Variants in SLC1A4 observed in about 807,000 individuals in gnomAD.
The protein encoded by SLC1A4 is neutral amino acid transporter A.
A neutral mutation model predicts 37.7 loss-of-function variants in SLC1A4; 19 were observed. That is an observed-to-expected ratio of 0.50 (90% CI 0.35 to 0.74). The LOEUF (loss-of-function observed/expected upper bound fraction) is 0.74, where lower values mean the gene tolerates loss of function less well. Among genes scored for constraint, SLC1A4 ranks in the 30% least tolerant of loss-of-function variants. SLC1A4 has a pLI of 0.01. For missense variants in SLC1A4, 570 were observed against 712.9 expected, an observed-to-expected ratio of 0.80 and a Z score of 2.28; for synonymous variants, 299 against 309.8, an observed-to-expected ratio of 0.97 and a Z score of 0.37.
chr2:65,004,097 G>C (rs1427347627), intron 3 of SLC1A4, 82 bp downstream of exon 3: 1 of 1,246,152 alleles, frequency 8.0e-7, no homozygotes, highest in Admixed American at 1.9e-5. Context: ...ACAGGACGTG[G>C]GCTGAAAACT....
intron 1 of SLC1A4, among the ~76,000 whole-genome samples, chr2:64,993,495 A>T (rs1031359415): frequency 3.3e-5 from 5 of 152,184 alleles, no homozygotes; most frequent in African/African-American, 4.8e-5. Context: ...ATGAGAAGGG[A>T]TGGCCAATAG....
intron 2 of SLC1A4, among the ~76,000 whole-genome samples, chr2:65,003,508 A>C (rs891207868): frequency 5.3e-5 from 8 of 152,250 alleles, no homozygotes; most frequent in African/African-American, 1.9e-4. Flanking sequence ...AGTCATGCTC[A>C]AATAAGTTCT....
At chr2:64,999,360 T>C (rs1673381261) in intron 1 of SLC1A4, 1 of 152,232 alleles carries the variant, frequency 6.6e-6, no homozygotes, top group Non-Finnish European at 1.5e-5. Context: ...AAATGCTGTG[T>C]TGCAGGCTGT....
chr2:65,019,623 G>C (rs1356988876), intron 7 of SLC1A4, among the ~76,000 whole-genome samples: 1 of 152,198 alleles, frequency 6.6e-6, no homozygotes, highest in African/African-American at 2.4e-5. Flanking sequence ...TGGGAATGGT[G>C]GTTTTTCCAA....
intron 4 of SLC1A4, among the ~76,000 whole-genome samples, chr2:65,016,016 G>A (rs1460071676): frequency 6.6e-6 from 1 of 152,212 alleles, no homozygotes; most frequent in African/African-American, 2.4e-5. Flanking sequence ...TTCTATCACA[G>A]CCACTCTGTG....
At chr2:65,005,452 A>G (rs7569409) in intron 3 of SLC1A4, among the ~76,000 whole-genome samples, 3,609 of 152,300 alleles carry the variant, frequency 0.024, 135 homozygotes, top group African/African-American at 0.081. Flanking sequence ...TGGACGTCCA[A>G]CTGGGCCCCT....
Position 65,023,531 on chromosome 2 carries a change from CTG to C in SLC1A4, c.*2389_*2390del, listed in dbSNP as rs1674513625. ...ACTTAAGACTCATTGGCCGACCATC[CTG>C]TGTCCTGGCCTGGCCCTGCAGTAAG... is the stretch of plus-strand genomic sequence containing the variant. On this transcript the variant is annotated 3_prime_UTR_variant, in exon 8 of 8. Coordinates refer to ENST00000234256, the MANE Select transcript of SLC1A4 (RefSeq NM_003038.5). 1 of 152,376 alleles carries C rather than the reference CTG, an allele frequency of 6.6e-6. No homozygotes were observed. The highest frequency in any genetic ancestry group is 2.4e-5 in the African/African-American group (1 of 41,450). 9.4% of individuals were successfully genotyped at this position (152,376 alleles called of 1,614,324 possible).
intron 4 of SLC1A4, 114 bp downstream of exon 4, chr2:65,010,877 G>A (rs1375826552): frequency 9.5e-7 from 1 of 1,055,578 alleles, no homozygotes; most frequent in Non-Finnish European, 1.4e-6. Context: ...TGCTGTGTAT[G>A]TGGTTGATGC....
intron 2 of SLC1A4, 141 bp downstream of exon 2, chr2:65,001,631 A>G (rs1288743426): frequency 1.3e-5 from 8 of 633,910 alleles, no homozygotes; most frequent in South Asian, 2.0e-5. Flanking sequence ...ACTTTTATCA[A>G]TGGGTACCTA....
chr2:65,009,241 C>T (rs532103723), intron 3 of SLC1A4, among the ~76,000 whole-genome samples: 2 of 152,128 alleles, frequency 1.3e-5, no homozygotes, highest in South Asian at 2.1e-4. Context: ...GGCATGGTGG[C>T]GCATGCCTGT....
chr2:65,010,914 A>G, intron 4 of SLC1A4, 151 bp downstream of exon 4: 2 of 760,432 alleles, frequency 2.6e-6, no homozygotes, highest in Non-Finnish European at 4.2e-6. Context: ...GGTACAGGGG[A>G]TGATGGAAGT....
chr2:64,991,051 G>A (rs1021213804), intron 1 of SLC1A4, among the ~76,000 whole-genome samples: 1 of 152,202 alleles, frequency 6.6e-6, no homozygotes, highest in African/African-American at 2.4e-5. Context: ...ACCAGGTTCA[G>A]TTGAGTGAGG....
At chr2:64,995,947 C>T (rs1013502537) in intron 1 of SLC1A4, among the ~76,000 whole-genome samples, 1 of 152,192 alleles carries the variant, frequency 6.6e-6, no homozygotes, top group Admixed American at 6.5e-5. Flanking sequence ...TGGGTCTGCA[C>T]AGCACCTCCC....
In SLC1A4 at chr2:65,022,492, C is replaced by T. The variant is rs1241699374; in HGVS notation, c.*1346C>T. ...TTTGGTGAAGCAAACTGTTAATCTTCGAAAACGACCATTTCACTTCTTGGA... is the reference window on the plus strand; with the variant it reads ...TTTGGTGAAGCAAACTGTTAATCTTTGAAAACGACCATTTCACTTCTTGGA... On this transcript the variant is annotated 3_prime_UTR_variant, in exon 8 of 8. Coordinates refer to ENST00000234256, the MANE Select transcript of SLC1A4 (RefSeq NM_003038.5). 2 of 152,084 alleles carry T rather than the reference C, an allele frequency of 1.3e-5. No individual in the cohort carries two copies. The highest frequency in any genetic ancestry group is 6.5e-5 in the Admixed American group (1 of 15,278). The allele number at this position is 152,084 out of a possible 1,614,324, so 9.4% of individuals were successfully genotyped here.
intron 4 of SLC1A4, 113 bp downstream of exon 4, chr2:65,010,876 T>A (rs1465536658): frequency 9.5e-7 from 1 of 1,054,102 alleles, no homozygotes; most frequent in Non-Finnish European, 1.4e-6. Context: ...ATGCTGTGTA[T>A]GTGGTTGATG....
Position 65,023,125 on chromosome 2 carries a change from A to G in SLC1A4, c.*1979A>G, listed in dbSNP as rs1194817720. 6.6e-6 allele frequency: 1 copy of G among 152,238 alleles called. No individual in the cohort carries two copies. The highest frequency in any genetic ancestry group is 1.5e-5 in the Non-Finnish European group (1 of 68,050). The allele number at this position is 152,238 out of a possible 1,614,324, so 9.4% of individuals were successfully genotyped here. On this transcript the variant is annotated 3_prime_UTR_variant, in exon 8 of 8. Coordinates refer to ENST00000234256, the MANE Select transcript of SLC1A4 (RefSeq NM_003038.5). ...GCCAAAAGGGACCAGGAACCGTGCA[A>G]AGGAAACTGGAAACTTTTCCCCGCT...
intron 2 of SLC1A4, among the ~76,000 whole-genome samples, chr2:65,002,763 A>G (rs1481524421): frequency 6.6e-6 from 1 of 151,398 alleles, no homozygotes; most frequent in African/African-American, 2.4e-5. Context: ...TTTTTAGTAG[A>G]GATGGGGTTT....
chr2:65,017,364 A>C (rs1411850674), intron 5 of SLC1A4, among the ~76,000 whole-genome samples: 1 of 151,320 alleles, frequency 6.6e-6, no homozygotes. Context: ...AAAAAAAAAC[A>C]CTGGGTTTTC....
At chr2:65,013,032 G>A (rs1673980651) in intron 4 of SLC1A4, among the ~76,000 whole-genome samples, 1 of 152,176 alleles carries the variant, frequency 6.6e-6, no homozygotes, top group Admixed American at 6.5e-5. Context: ...AAGCATGGCT[G>A]GGAAGGCCTC....
Sources: gnomAD v4.1 joint callset for allele counts (sites outside exome capture counted in the v4.1 genomes callset) on GRCh38, gnomAD v4.1.1 for gene constraint, MANE v1.5 for transcripts, NCBI Gene and HGNC (gene_info 2026-07-23, HGNC 2026-07-21) for gene names.